The following DAB1 variants were observed in gnomAD, a reference collection of about 807,000 sequenced individuals.
DAB1 encodes disabled homolog 1.
DAB1 carries 15 observed loss-of-function variants against 64.6 expected under a neutral mutation model. The ratio of observed to expected loss-of-function variants is 0.23; its 90% confidence interval spans 0.16 to 0.36. DAB1 has a LOEUF of 0.36. Among genes scored for constraint, DAB1 ranks in the 10% least tolerant of loss-of-function variants. The probability of loss-of-function intolerance (pLI) is 1.00; values close to 1 mark genes in which losing one functional copy is unlikely to be tolerated. For missense variants in DAB1, 596 were observed against 706.7 expected (o/e 0.84, Z 1.78); for synonymous variants, 235 against 251.9 (o/e 0.93, Z 0.64).
intron 3 of DAB1, among the ~76,000 whole-genome samples, chr1:58,461,280 T>G (rs1165997602): frequency 6.6e-6 from 1 of 152,214 alleles, no homozygotes; most frequent in African/African-American, 2.4e-5. Context: ...TATATATACA[T>G]TGGTACTAGA....
intron 5 of DAB1, among the ~76,000 whole-genome samples, chr1:58,030,987 ACTTCTCCAGGTACGAAGTT>A (rs1646962126): frequency 6.6e-6 from 1 of 152,212 alleles, no homozygotes; most frequent in Admixed American, 6.5e-5. Flanking sequence ...AGCAGGAAGA[ACTTCTCCAGGTACGAAGTT>A]CTTCTCCAGG....
At chr1:58,167,581 G>A (rs1363006189) in intron 4 of DAB1, among the ~76,000 whole-genome samples, 1 of 152,164 alleles carries the variant, frequency 6.6e-6, no homozygotes, top group African/African-American at 2.4e-5. Flanking sequence ...AACCTGCTTG[G>A]GTCCCCTTCC....
intron 5 of DAB1, among the ~76,000 whole-genome samples, chr1:57,899,097 T>C (rs1292819048): frequency 2.6e-5 from 4 of 152,166 alleles, no homozygotes; most frequent in South Asian, 2.1e-4. Flanking sequence ...TTTTTTCATA[T>C]GTAGAAAATT....
chr1:57,388,600 A>G (rs1172450433), intron 1 of DAB1, among the ~76,000 whole-genome samples: 3 of 151,860 alleles, frequency 2.0e-5, no homozygotes, highest in East Asian at 3.9e-4. Flanking sequence ...TGCACTTCCA[A>G]TTGGCCTGCT....
intron 1 of DAB1, among the ~76,000 whole-genome samples, chr1:57,845,658 C>A (rs907114784): frequency 2.0e-5 from 3 of 152,046 alleles, no homozygotes; most frequent in African/African-American, 7.2e-5. Flanking sequence ...TGTGAGAGAC[C>A]CTGCCACAGT....
chr1:57,061,598 C>T (rs1650403486), intron 9 of DAB1, among the ~76,000 whole-genome samples: 1 of 152,184 alleles, frequency 6.6e-6, no homozygotes, highest in Non-Finnish European at 1.5e-5. Flanking sequence ...TCTTATAGTG[C>T]CACCCACTGG....
At chr1:57,631,960 A>G (rs1401886369) in intron 7 of DAB1, among the ~76,000 whole-genome samples, 2 of 152,194 alleles carry the variant, frequency 1.3e-5, no homozygotes, top group Admixed American at 1.3e-4. Context: ...CAGGAGACAT[A>G]TCAGAGTTAT....
chr1:58,375,390 AG>A (rs1287845830), intron 3 of DAB1, among the ~76,000 whole-genome samples: 5 of 137,242 alleles, frequency 3.6e-5, no homozygotes, highest in South Asian at 2.4e-4. Flanking sequence ...TTTAGCATGA[AG>A]GGTTGTTGAA....
chr1:58,256,729 G>A (rs1660939292), intron 4 of DAB1, among the ~76,000 whole-genome samples: 1 of 150,378 alleles, frequency 6.6e-6, no homozygotes, highest in South Asian at 2.1e-4. Flanking sequence ...CATCTCCATA[G>A]CCCCAAAATC....
chr1:57,536,035 C>T (rs549546921), intron 7 of DAB1, among the ~76,000 whole-genome samples: 2 of 152,284 alleles, frequency 1.3e-5, no homozygotes, highest in Non-Finnish European at 2.9e-5. Context: ...GCTTTATCCA[C>T]TCTGTGGTTT....
Position 57,293,485 on chromosome 1 carries a change from C to T in DAB1, c.-136-2319G>A, listed in dbSNP as rs144751931. Among the ~76,000 whole-genome samples, 43 of 152,232 alleles carry T rather than the reference C, an allele frequency of 2.8e-4. No individual in the cohort carries two copies. In the East Asian group the frequency reaches 7.1e-3, roughly 25 times the overall value. On this transcript the variant is annotated intron_variant, in intron 1 of 14. Transcript: ENST00000371236. Reference sequence around the variant, plus strand: ...TGTGGCAATTAAGTATGATCACACACGTAATGTGATTGGAAGAGTGTCTGG... The same window carrying T: ...TGTGGCAATTAAGTATGATCACACATGTAATGTGATTGGAAGAGTGTCTGG...
chr1:57,588,881 G>T (rs1041205976), intron 7 of DAB1, among the ~76,000 whole-genome samples: 1 of 152,188 alleles, frequency 6.6e-6, no homozygotes, highest in African/African-American at 2.4e-5. Context: ...TTGGTTGAGG[G>T]AAGATAACTA....
intron 2 of DAB1, among the ~76,000 whole-genome samples, chr1:57,245,879 A>C (rs2100497225): frequency 6.6e-6 from 1 of 152,340 alleles, no homozygotes; most frequent in East Asian, 1.9e-4. Flanking sequence ...CAATGGTTGA[A>C]CTAATTTACA....
At chr1:57,665,519 A>C (rs898838904) in intron 6 of DAB1, among the ~76,000 whole-genome samples, 16 of 152,266 alleles carry the variant, frequency 1.1e-4, no homozygotes, top group African/African-American at 3.6e-4. Context: ...TGAATAGAGC[A>C]ATCTCTAAAT....
intron 6 of DAB1, among the ~76,000 whole-genome samples, chr1:57,817,750 A>C (rs1274885439): frequency 6.6e-6 from 1 of 152,158 alleles, no homozygotes; most frequent in Non-Finnish European, 1.5e-5. Context: ...TCATTCATTC[A>C]TACCCTCTCA....
At chr1:57,756,870 G>C (rs1242392912) in intron 6 of DAB1, among the ~76,000 whole-genome samples, 2 of 152,060 alleles carry the variant, frequency 1.3e-5, no homozygotes, top group Non-Finnish European at 2.9e-5. Flanking sequence ...CCATATGTAA[G>C]GGCCAAAATT....
At chr1:58,409,859 C>G (rs1353554792) in intron 3 of DAB1, among the ~76,000 whole-genome samples, 4 of 152,176 alleles carry the variant, frequency 2.6e-5, no homozygotes, top group Non-Finnish European at 5.9e-5. Flanking sequence ...TGGAACTTTA[C>G]TTCCTTCCCA....
chr1:57,504,926 G>A (rs1178019671), intron 7 of DAB1, among the ~76,000 whole-genome samples: 2 of 152,154 alleles, frequency 1.3e-5, no homozygotes, highest in Non-Finnish European at 1.5e-5. Context: ...CCTTTAAATT[G>A]TTAAGGCCAT....
At chr1:57,162,042 A>G (rs982698900) in intron 2 of DAB1, among the ~76,000 whole-genome samples, 1 of 152,188 alleles carries the variant, frequency 6.6e-6, no homozygotes, top group Non-Finnish European at 1.5e-5. Flanking sequence ...GATGTTTCCA[A>G]TGAAAACAGA....
Sources: gnomAD v4.1 joint callset for allele counts (sites outside exome capture counted in the v4.1 genomes callset) on GRCh38, gnomAD v4.1.1 for gene constraint, MANE v1.5 for transcripts, NCBI Gene and HGNC (gene_info 2026-07-23, HGNC 2026-07-21) for gene names.